RPP30: variants seen among roughly 807,000 people sequenced by gnomAD.
RPP30 encodes the protein ribonuclease P/MRP subunit p30, also known as ribonuclease P protein subunit p30.
A neutral mutation model predicts 38.6 loss-of-function variants in RPP30; 36 were observed. That is an observed-to-expected ratio of 0.93 (90% CI 0.71 to 1.23). The LOEUF (loss-of-function observed/expected upper bound fraction) is 1.23. RPP30 is among the 50% of genes most tolerant of loss of function. RPP30 has a pLI of 0.00. For missense variants in RPP30, 321 were observed against 321.7 expected (o/e 1.00, Z 0.02); for synonymous variants, 126 against 112.7 (o/e 1.12, Z -0.75).
intron 1 of RPP30, among the ~76,000 whole-genome samples, chr10:90,873,118 C>T (rs1277488128): frequency 6.6e-6 from 1 of 152,124 alleles, no homozygotes; most frequent in Non-Finnish European, 1.5e-5. Context: ...AGAGAATTGC[C>T]ATGTCTTATC....
In RPP30 at chr10:90,901,770, A is replaced by C; in HGVS notation, c.*1091A>C. The C allele has an allele frequency of 3.0e-6, 3 of 984,894 alleles. No homozygotes were observed. Among genetic ancestry groups the C allele is most frequent in the Non-Finnish European group, 3.6e-6 (3 of 829,502 alleles). The allele number at this position is 984,894 out of a possible 1,614,324, so 61.0% of individuals were successfully genotyped here. A position where few individuals can be genotyped will look rare whatever the true frequency, so the allele number is the denominator to read the frequency against. On this transcript the variant is annotated 3_prime_UTR_variant, in exon 11 of 11. Coordinates refer to ENST00000371703, the MANE Select transcript of RPP30 (RefSeq NM_006413.5). Reference sequence around the variant, plus strand: ...AGCCAGAGGTATAACTGAATAAGAAATTTTTTTAAGCAAGAGAAAGACAAC... The same window carrying C: ...AGCCAGAGGTATAACTGAATAAGAACTTTTTTTAAGCAAGAGAAAGACAAC...
At chr10:90,875,290 T>G (rs986181007) in intron 2 of RPP30, among the ~76,000 whole-genome samples, 1 of 152,234 alleles carries the variant, frequency 6.6e-6, no homozygotes, top group Non-Finnish European at 1.5e-5. Context: ...TATGTATATT[T>G]CTCTTTAGGC....
chr10:90,894,038 G>C lies in RPP30; in HGVS notation c.433-737G>C, dbSNP rs540033825. Among the ~76,000 whole-genome samples the C allele has an allele frequency of 2.6e-5, 4 of 152,276 alleles. No individual in the cohort carries two copies. In the East Asian group the frequency reaches 5.8e-4, roughly 22 times the overall value. ...TTCTGTTTCTCATGAAAAAAGCCAA[G>C]CTTGTATGGTGAGCTGGGCAAAATC... On this transcript the variant is annotated intron_variant, in intron 6 of 10. Coordinates refer to ENST00000371703, the MANE Select transcript of RPP30 (RefSeq NM_006413.5).
In RPP30 at chr10:90,875,572, AGTAGCT is replaced by A. The variant is rs1846840575; in HGVS notation, c.156_161del (p.Ala53_Val54del). On this transcript the variant is annotated inframe_deletion, in exon 3 of 11. Transcript: ENST00000371703. ...GTTTGTTGTAGGAAATTGAAAAACC[AGTAGCT>A]GTTTCTGAACTCTTCACAACTTTGC... 2 of 1,613,550 alleles carry A rather than the reference AGTAGCT, an allele frequency of 1.2e-6. No homozygotes were observed. Among genetic ancestry groups the A allele is most frequent in the African/African-American group, 2.7e-5 (2 of 75,048 alleles).
Position 90,901,904 on chromosome 10 carries a change from C to G in RPP30, c.*1225C>G. The stretch of plus-strand genomic sequence containing the variant: ...CTCGATCTCTGCTCACTGCAAGCTC[C>G]GCCTCCTGGGTTCATGCCATTCTCC... On this transcript the variant is annotated 3_prime_UTR_variant, in exon 11 of 11. Transcript: ENST00000371703. 1 of 518,180 alleles carries G rather than the reference C, an allele frequency of 1.9e-6. No homozygotes were observed. Among genetic ancestry groups the G allele is most frequent in the African/African-American group, 2.1e-5 (1 of 47,172 alleles). The allele number at this position is 518,180 out of a possible 1,614,324, so 32.1% of individuals were successfully genotyped here.
chr10:90,878,324 A>C (rs1040209490), intron 4 of RPP30, among the ~76,000 whole-genome samples: 6 of 152,126 alleles, frequency 3.9e-5, no homozygotes, highest in African/African-American at 1.4e-4. Context: ...TTCTTTTTAC[A>C]AAATAAGAGA....
rs764819242 is a variant in RPP30 at position 90,875,595 on chromosome 10, C to T, written c.176C>T (p.Thr59Ile). Residue 59 changes from threonine (T) to isoleucine (I), a missense_variant, in exon 3 of 11, where the codon ACA (threonine) becomes ATA (isoleucine). Thr to Ile is a moderately conservative substitution (Grantham distance 89, BLOSUM62 -1). Transcript: ENST00000371703. ...CCAGTAGCTGTTTCTGAACTCTTCA[C>T]AACTTTGCCAATTGTACAGGTAGGT... ...EKPVAVSELF[T>I]TLPIVQGKSR... 6 of 1,613,282 alleles carry T rather than the reference C, an allele frequency of 3.7e-6. No individual in the cohort carries two copies. In the African/African-American group the frequency reaches 8.0e-5, roughly 22 times the overall value.
At chr10:90,896,518 T>C in intron 10 of RPP30, 126 bp downstream of exon 10, 1 of 666,598 alleles carries the variant, frequency 1.5e-6, no homozygotes, top group South Asian at 1.9e-5. Context: ...CAACCTGTTC[T>C]AAACACAGTC....
At chr10:90,884,931 C>T (rs1846979034) in intron 5 of RPP30, among the ~76,000 whole-genome samples, 1 of 152,160 alleles carries the variant, frequency 6.6e-6, no homozygotes, top group African/African-American at 2.4e-5. Flanking sequence ...TAATACATAA[C>T]AGCCAAATAT....
At chr10:90,875,053 A>G (rs1846833670) in intron 2 of RPP30, 129 bp downstream of exon 2, 3 of 514,228 alleles carry the variant, frequency 5.8e-6, no homozygotes, top group South Asian at 7.0e-5. Flanking sequence ...CTACTTTTCT[A>G]TTTTATATAG....
intron 5 of RPP30, among the ~76,000 whole-genome samples, chr10:90,882,409 C>T (rs986179197): frequency 1.5e-4 from 23 of 152,338 alleles, no homozygotes; most frequent in African/African-American, 5.5e-4. Flanking sequence ...GGCATGGTGG[C>T]TCACGCCTGT....
intron 1 of RPP30, among the ~76,000 whole-genome samples, chr10:90,873,853 T>C (rs575713059): frequency 1.3e-5 from 2 of 152,216 alleles, no homozygotes; most frequent in African/African-American, 4.8e-5. Flanking sequence ...TCAGGGAGCC[T>C]TTTGTGACCC....
intron 10 of RPP30, among the ~76,000 whole-genome samples, chr10:90,898,392 T>C (rs943791294): frequency 6.6e-6 from 1 of 152,144 alleles, no homozygotes; most frequent in African/African-American, 2.4e-5. Flanking sequence ...TTCGTTGCCA[T>C]TGGGATCAGT....
At chr10:90,872,333 A>G (rs1488033742) in intron 1 of RPP30, among the ~76,000 whole-genome samples, 1 of 152,182 alleles carries the variant, frequency 6.6e-6, no homozygotes, top group African/African-American at 2.4e-5. Context: ...ATAGGGGCCT[A>G]CAGCTGATAG....
downstream of RPP30, among the ~76,000 whole-genome samples, chr10:90,906,267 G>T (rs901191371): frequency 2.6e-5 from 4 of 152,194 alleles, no homozygotes; most frequent in African/African-American, 9.6e-5. Context: ...GAACAAAGGG[G>T]AGGAATGAGA....
intron 4 of RPP30, among the ~76,000 whole-genome samples, chr10:90,876,935 T>C (rs910025961): frequency 3.3e-5 from 5 of 152,122 alleles, no homozygotes; most frequent in African/African-American, 1.2e-4. Flanking sequence ...AGGTAGGTAA[T>C]GGTGTACCAT....
intron 6 of RPP30, among the ~76,000 whole-genome samples, chr10:90,890,819 T>A (rs1232692425): frequency 6.6e-6 from 1 of 150,532 alleles, no homozygotes; most frequent in Non-Finnish European, 1.5e-5. Context: ...ATTAATAAGT[T>A]AAAAAAAAAG....
At chr10:90,894,437 G>A (rs1847116584) in intron 6 of RPP30, among the ~76,000 whole-genome samples, 1 of 152,168 alleles carries the variant, frequency 6.6e-6, no homozygotes, top group East Asian at 1.9e-4. Context: ...AATGTAGGGA[G>A]TACATTTCTG....
At chr10:90,895,122 T>A in intron 7 of RPP30, 1 of 581,756 alleles carries the variant, frequency 1.7e-6, no homozygotes, top group East Asian at 3.3e-5. Flanking sequence ...TTGATAAAAA[T>A]TTGCAATTTA....
Sources: gnomAD v4.1 joint callset for allele counts (sites outside exome capture counted in the v4.1 genomes callset) on GRCh38, gnomAD v4.1.1 for gene constraint, MANE v1.5 for transcripts, NCBI Gene and HGNC (gene_info 2026-07-23, HGNC 2026-07-21) for gene names.